The following HS6ST3 variants were observed in gnomAD, a reference collection of about 807,000 sequenced individuals.
HS6ST3 encodes the protein heparan sulfate 6-O-sulfotransferase 3.
Under a neutral mutation model 36.7 loss-of-function variants are expected in HS6ST3, and 12 were observed. The observed-to-expected ratio is 0.33, with a 90% CI of 0.21 to 0.53. The LOEUF is 0.53. Ranked by LOEUF, HS6ST3 falls within the 20% of genes least tolerant of loss-of-function variation. The pLI is 0.95. For synonymous variants in HS6ST3, 240 were observed against 257.5 expected, an observed-to-expected ratio of 0.93 and a Z score of 0.65; for missense variants, 584 against 640.9, an observed-to-expected ratio of 0.91 and a Z score of 0.96.
chr13:96,453,215 GT>G (rs1566365541), intron 1 of HS6ST3, among the ~76,000 whole-genome samples: 1 of 151,536 alleles, frequency 6.6e-6, no homozygotes, highest in Non-Finnish European at 1.5e-5. Context: ...GATTTAGAGA[GT>G]ACGAGTACAT....
chr13:96,585,499 A>G (rs2056357678), intron 1 of HS6ST3, among the ~76,000 whole-genome samples: 1 of 152,288 alleles, frequency 6.6e-6, no homozygotes, highest in East Asian at 1.9e-4. Flanking sequence ...GTATTTTTCA[A>G]TAATACAATA....
intron 1 of HS6ST3, among the ~76,000 whole-genome samples, chr13:96,687,984 A>G (rs9516737): frequency 0.99 from 148,334 of 150,568 alleles, 73,104 homozygotes; most frequent in Middle Eastern, 1. Flanking sequence ...GCCAAACACC[A>G]CATGTTCTCA....
intron 1 of HS6ST3, among the ~76,000 whole-genome samples, chr13:96,315,585 C>G (rs993251584): frequency 6.6e-6 from 1 of 151,784 alleles, no homozygotes; most frequent in Non-Finnish European, 1.5e-5. Flanking sequence ...AAAATTAAAT[C>G]TTTATATAAT....
intron 1 of HS6ST3, among the ~76,000 whole-genome samples, chr13:96,813,828 T>C (rs560846110): frequency 1.8e-4 from 27 of 152,350 alleles, no homozygotes; most frequent in African/African-American, 6.5e-4. Flanking sequence ...CAGGTTCCTC[T>C]AACCCATGCC....
intron 1 of HS6ST3, among the ~76,000 whole-genome samples, chr13:96,222,198 A>C (rs144125717): frequency 6.8e-4 from 104 of 152,308 alleles, no homozygotes; most frequent in Non-Finnish European, 1.3e-3. Context: ...TCCCTCTTGG[A>C]CACTTTATGA....
chr13:96,819,648 G>T (rs1343070313), intron 1 of HS6ST3, among the ~76,000 whole-genome samples: 1 of 152,182 alleles, frequency 6.6e-6, no homozygotes, highest in Non-Finnish European at 1.5e-5. Flanking sequence ...TTTCTCATGA[G>T]ACACAGAACC....
At chr13:96,808,135 T>C (rs1878239745) in intron 1 of HS6ST3, among the ~76,000 whole-genome samples, 1 of 152,160 alleles carries the variant, frequency 6.6e-6, no homozygotes, top group South Asian at 2.1e-4. Context: ...ACCACTGCCA[T>C]ACAGAGGAGC....
intron 1 of HS6ST3, among the ~76,000 whole-genome samples, chr13:96,695,721 G>A (rs1875109429): frequency 6.6e-6 from 1 of 151,676 alleles, no homozygotes; most frequent in African/African-American, 2.4e-5. Flanking sequence ...ATAGGTGTGA[G>A]CCACCATACC....
intron 1 of HS6ST3, among the ~76,000 whole-genome samples, chr13:96,289,461 GA>G (rs2054819146): frequency 6.6e-6 from 1 of 152,050 alleles, no homozygotes; most frequent in South Asian, 2.1e-4. Flanking sequence ...TGATAAAGGT[GA>G]CATCTTATTT....
chr13:96,631,953 T>C (rs1368298937), intron 1 of HS6ST3, among the ~76,000 whole-genome samples: 1 of 152,156 alleles, frequency 6.6e-6, no homozygotes, highest in South Asian at 2.1e-4. Context: ...CAAGGGTGAT[T>C]GGGCTCTTCC....
chr13:96,823,136 G>T (rs1164284720), intron 1 of HS6ST3, among the ~76,000 whole-genome samples: 1 of 152,196 alleles, frequency 6.6e-6, no homozygotes, highest in Non-Finnish European at 1.5e-5. Flanking sequence ...ATGATGTCAG[G>T]CCTCATGGAA....
intron 1 of HS6ST3, among the ~76,000 whole-genome samples, chr13:96,176,244 C>A (rs1458623545): frequency 1.3e-5 from 2 of 152,078 alleles, no homozygotes; most frequent in Non-Finnish European, 2.9e-5. Context: ...CTGTAAGATA[C>A]AACACTCATT....
In HS6ST3 at chr13:96,488,886, A is replaced by G. The variant is rs145891513; in HGVS notation, c.708-343604A>G. Among the ~76,000 whole-genome samples the G allele has an allele frequency of 2.4e-4, 37 of 152,196 alleles. No homozygotes were observed. The East Asian group carries it at 6.4e-3, about 26-fold the overall frequency. On this transcript the variant is annotated intron_variant, in intron 1 of 1. Coordinates refer to ENST00000376705, the MANE Select transcript of HS6ST3 (RefSeq NM_153456.4). Reference sequence around the variant, plus strand: ...CACCACAAAATTTTGAGATCCTTAAAAAGCATTTTTTTTCTACTTCTTGGG... The same window carrying G: ...CACCACAAAATTTTGAGATCCTTAAGAAGCATTTTTTTTCTACTTCTTGGG...
At chr13:96,209,726 G>T (rs9525154) in intron 1 of HS6ST3, among the ~76,000 whole-genome samples, 74,671 of 151,776 alleles carry the variant, frequency 0.49, 18,581 homozygotes, top group Admixed American at 0.58. Context: ...AGCCTAGGGG[G>T]ATTGTACTTG....
intron 1 of HS6ST3, among the ~76,000 whole-genome samples, chr13:96,826,011 T>A (rs1414562181): frequency 2.0e-5 from 3 of 152,218 alleles, no homozygotes; most frequent in African/African-American, 7.2e-5. Flanking sequence ...TCAATAAGCA[T>A]GTGTTAATTA....
chr13:96,682,242 G>A (rs568073190), intron 1 of HS6ST3, among the ~76,000 whole-genome samples: 19 of 152,080 alleles, frequency 1.2e-4, no homozygotes, highest in African/African-American at 4.6e-4. Context: ...AATACATACT[G>A]AACTCATTGA....
chr13:96,832,020 T>C (rs570494692), intron 1 of HS6ST3, among the ~76,000 whole-genome samples: 1 of 148,996 alleles, frequency 6.7e-6, no homozygotes, highest in African/African-American at 2.5e-5. Context: ...TTGTTCTTTC[T>C]AGTCCCATGT....
rs2054550921 is a variant in HS6ST3, at chr13:96,239,642, G to T, written c.707+148073G>T. Among the ~76,000 whole-genome samples the T allele has an allele frequency of 2.0e-5, 3 of 152,282 alleles. No homozygotes were observed. The South Asian group carries it at 6.2e-4, about 32-fold the overall frequency. ...GAAATACTTAATAGTCAATTACTGT[G>T]AGCATGCAGATAAAAATAATGAATA... On this transcript the variant is annotated intron_variant, in intron 1 of 1. Transcript: ENST00000376705.
At chr13:96,630,313 A>G (rs1327136905) in intron 1 of HS6ST3, among the ~76,000 whole-genome samples, 1 of 152,104 alleles carries the variant, frequency 6.6e-6, no homozygotes. Flanking sequence ...TTTGATCTAC[A>G]GCTTGATGTT....
Sources: allele counts gnomAD v4.1 joint callset (sites outside exome capture counted in the v4.1 genomes callset), GRCh38; gene constraint gnomAD v4.1.1; transcripts MANE v1.5; gene names NCBI Gene and HGNC (gene_info 2026-07-23, HGNC 2026-07-21).